KALRN: variants seen among roughly 807,000 people sequenced by gnomAD.
KALRN encodes kalirin RhoGEF kinase, also known as kalirin.
KALRN carries 70 observed loss-of-function variants against 353.7 expected under a neutral mutation model. The ratio of observed to expected loss-of-function variants is 0.20; its 90% confidence interval spans 0.16 to 0.24. The LOEUF is 0.24. Ranked by LOEUF, KALRN falls within the 10% of genes least tolerant of loss-of-function variation. KALRN has a pLI of 1.00. For synonymous variants in KALRN, 1,391 were observed against 1,434.8 expected (o/e 0.97, Z 0.69); for missense variants, 2,791 against 3,756.7 (o/e 0.74, Z 6.72).
chr3:124,100,405 T>C (rs544822240), intron 1 of KALRN: 1 of 152,284 alleles, frequency 6.6e-6, no homozygotes, highest in South Asian at 2.1e-4. Flanking sequence ...CAAGAACATA[T>C]ATTGGGAAAA....
chr3:124,087,055 T>G (rs1020398124), intron 1 of KALRN, among the ~76,000 whole-genome samples: 1 of 152,106 alleles, frequency 6.6e-6, no homozygotes, highest in South Asian at 2.1e-4. Flanking sequence ...GGGCATCAGA[T>G]TTTTTTTGCT....
At chr3:124,324,610 G>T (rs535675500) in intron 6 of KALRN, among the ~76,000 whole-genome samples, 1 of 152,284 alleles carries the variant, frequency 6.6e-6, no homozygotes, top group South Asian at 2.1e-4. Flanking sequence ...GGGGTCATTA[G>T]ACATCAGGAT....
At chr3:124,109,042 T>G (rs2062590931) in intron 1 of KALRN, among the ~76,000 whole-genome samples, 1 of 152,204 alleles carries the variant, frequency 6.6e-6, no homozygotes, top group Admixed American at 6.5e-5. Flanking sequence ...CTCCTGCTTC[T>G]CTTAACAAGA....
intron 29 of KALRN, among the ~76,000 whole-genome samples, chr3:124,489,773 A>T (rs1043724671): frequency 1.8e-4 from 27 of 152,080 alleles, no homozygotes; most frequent in African/African-American, 6.5e-4. Flanking sequence ...ACATTCATGG[A>T]CTCACCCCAC....
chr3:124,521,548 A>G (rs941492766), intron 33 of KALRN, among the ~76,000 whole-genome samples: 5 of 152,242 alleles, frequency 3.3e-5, no homozygotes, highest in Non-Finnish European at 5.9e-5. Context: ...GGTCTGCTGC[A>G]TATCCATAAT....
chr3:124,048,116 A>C (rs1247758535), intron 1 of KALRN, among the ~76,000 whole-genome samples: 4 of 152,214 alleles, frequency 2.6e-5, no homozygotes, highest in African/African-American at 4.8e-5. Context: ...ATTCCTATAC[A>C]TATGTCTATT....
intron 1 of KALRN, among the ~76,000 whole-genome samples, chr3:124,093,513 T>C (rs2061246475): frequency 2.0e-5 from 3 of 152,216 alleles, no homozygotes; most frequent in Admixed American, 2.0e-4. Flanking sequence ...GGGGCTGTGA[T>C]TGGGCAAGGA....
At chr3:124,432,627 T>G (rs557195294) in intron 16 of KALRN, among the ~76,000 whole-genome samples, 55 of 152,210 alleles carry the variant, frequency 3.6e-4, no homozygotes, top group Non-Finnish European at 6.6e-4. Context: ...CCAAGTGTCA[T>G]AACACACTTA....
chr3:124,089,504 A>G (rs1481312640), intron 1 of KALRN, among the ~76,000 whole-genome samples: 1 of 152,186 alleles, frequency 6.6e-6, no homozygotes, highest in Non-Finnish European at 1.5e-5. Context: ...TGATAGGCAG[A>G]GAAATGGCTC....
At chr3:124,123,709 A>G (rs2064304698) in intron 1 of KALRN, among the ~76,000 whole-genome samples, 1 of 152,202 alleles carries the variant, frequency 6.6e-6, no homozygotes, top group African/African-American at 2.4e-5. Flanking sequence ...GCTTGAAAGG[A>G]CAGCTTGACT....
At chr3:124,366,449 A>T (rs927637383) in intron 10 of KALRN, among the ~76,000 whole-genome samples, 8 of 149,904 alleles carry the variant, frequency 5.3e-5, no homozygotes, top group Non-Finnish European at 1.2e-4. Context: ...AACAAAGCAC[A>T]TCTTGCACCA....
intron 5 of KALRN, among the ~76,000 whole-genome samples, chr3:124,273,850 C>G (rs1243859359): frequency 6.6e-6 from 1 of 152,218 alleles, no homozygotes; most frequent in African/African-American, 2.4e-5. Context: ...TGGGCCTGTC[C>G]TCCACTGTAT....
intron 34 of KALRN, among the ~76,000 whole-genome samples, chr3:124,568,332 A>G (rs957845662): frequency 6.6e-6 from 1 of 152,266 alleles, no homozygotes; most frequent in African/African-American, 2.4e-5. Context: ...CTATTGTTTA[A>G]AATGTGCACA....
chr3:124,094,981 A>G, intron 1 of KALRN: 1 of 1,377,438 alleles, frequency 7.3e-7, no homozygotes, highest in Non-Finnish European at 1.0e-6. Flanking sequence ...AGACATGCAG[A>G]AAGACACAGC....
At chr3:124,502,683 G>A (rs1057376643) in intron 33 of KALRN, among the ~76,000 whole-genome samples, 1 of 152,122 alleles carries the variant, frequency 6.6e-6, no homozygotes, top group African/African-American at 2.4e-5. Context: ...ATATGAAAGA[G>A]CACAGAAGAC....
At chr3:124,035,698 C>T (rs2039348327) in intron 1 of KALRN, among the ~76,000 whole-genome samples, 2 of 152,186 alleles carry the variant, frequency 1.3e-5, no homozygotes, top group Non-Finnish European at 2.9e-5. Context: ...GTTACTTTTC[C>T]CAGGGCCTTT....
At chr3:124,540,695 C>T (rs1351273212) in intron 33 of KALRN, among the ~76,000 whole-genome samples, 2 of 152,184 alleles carry the variant, frequency 1.3e-5, no homozygotes, top group Non-Finnish European at 2.9e-5. Flanking sequence ...ATTTTCAGTC[C>T]AGAACTCTTG....
chr3:124,512,682 T>C (rs1462534934), intron 33 of KALRN, among the ~76,000 whole-genome samples: 1 of 151,814 alleles, frequency 6.6e-6, no homozygotes, highest in Admixed American at 6.6e-5. Context: ...AATTAAAAAT[T>C]TAAAAAAAAA....
In KALRN at chr3:124,657,801, C is replaced by T. The variant is rs751124475; in HGVS notation, c.6034C>T (p.His2012Tyr). 1 of 1,605,172 alleles carries T rather than the reference C, an allele frequency of 6.2e-7. No homozygotes were observed. Among genetic ancestry groups the T allele is most frequent in the Admixed American group, 1.7e-5 (1 of 59,970 alleles). The change falls in exon 41 of 60, where the codon CAC becomes TAC. Residue 2012 changes from histidine to tyrosine, a missense_variant and splice_region_variant. Around this residue, in one of 11 missense-constraint regions of KALRN, gnomAD observed 1,065 missense variants for 1,156.4 expected, o/e 0.92. Coordinates refer to ENST00000682506, the MANE Select transcript of KALRN (RefSeq NM_001388419.1). Reference protein sequence around the residue: ...QDRLAQLFIKHERKLHIYVWY... With the variant: ...QDRLAQLFIKYERKLHIYVWY... ...CAGATTGGCACAGCTCTTTATTAAG[C>T]ACGTGAGTGTCTCCCATCACCTCCT...
Sources: gnomAD v4.1 joint callset for allele counts (sites outside exome capture counted in the v4.1 genomes callset) on GRCh38, gnomAD v4.1.1 for gene constraint, gnomAD v4.1.1 regional missense constraint, MANE v1.5 for transcripts, NCBI Gene and HGNC (gene_info 2026-07-23, HGNC 2026-07-21) for gene names.